DMD: variants seen among roughly 807,000 people sequenced by gnomAD.
DMD encodes the protein dystrophin, also known as mutant dystrophin.
In DMD, 63 loss-of-function variants were observed where a neutral mutation model predicts 330.1. The ratio of observed to expected loss-of-function variants is 0.19; its 90% CI spans 0.16 to 0.24. The LOEUF (loss-of-function observed/expected upper bound fraction) is 0.24, where lower values mean the gene tolerates loss of function less well. Among genes scored for constraint, DMD ranks in the 10% least tolerant of loss-of-function variants. DMD has a pLI of 1.00. For missense variants in DMD, 3,344 were observed against 2,684.1 expected (o/e 1.25, Z -5.43); for synonymous variants, 1,223 against 959.8 (o/e 1.27, Z -5.07).
chrX:32,046,839 G>A (rs1214438869), intron 44 of DMD, among the ~76,000 whole-genome samples: 1 of 111,640 alleles, frequency 9.0e-6, no homozygotes. Context: ...ATGACCTGTG[G>A]GAAATTGACT....
intron 44 of DMD, among the ~76,000 whole-genome samples, chrX:32,033,111 T>C (rs1261124473): frequency 2.7e-5 from 3 of 112,140 alleles, no homozygotes; most frequent in Non-Finnish European, 3.8e-5. Flanking sequence ...TTACGCTAAG[T>C]GAAACAAGAC....
At chrX:32,050,310 T>C (rs2096098994) in intron 44 of DMD, among the ~76,000 whole-genome samples, 1 of 111,076 alleles carries the variant, frequency 9.0e-6, no homozygotes, top group Non-Finnish European at 1.9e-5. Flanking sequence ...CTATAGAAAA[T>C]TATGCTTTTA....
At chrX:32,594,152 C>T (rs943143882) in intron 13 of DMD, among the ~76,000 whole-genome samples, 16 of 112,189 alleles carry the variant, frequency 1.4e-4, no homozygotes, top group African/African-American at 5.2e-4. Context: ...TCAATACATG[C>T]AGATATATCC....
intron 47 of DMD, among the ~76,000 whole-genome samples, chrX:31,927,154 T>TA (rs2094790288): frequency 8.9e-6 from 1 of 112,517 alleles, no homozygotes; most frequent in Admixed American, 9.4e-5. Context: ...ATAATTTTAA[T>TA]ATGACTAATG....
chrX:32,805,711 G>C (rs2076901150), intron 7 of DMD, among the ~76,000 whole-genome samples: 1 of 111,918 alleles, frequency 8.9e-6, no homozygotes, highest in African/African-American at 3.2e-5. Flanking sequence ...CCCACAAAGG[G>C]AAGCCCATCA....
intron 60 of DMD, among the ~76,000 whole-genome samples, chrX:31,352,824 G>A (rs919467347): frequency 1.4e-4 from 16 of 112,006 alleles, no homozygotes; most frequent in African/African-American, 4.9e-4. Flanking sequence ...CAAAGTCCTC[G>A]AAAGCTTTAG....
At chrX:33,170,622 C>T (rs753463195) in intron 1 of DMD, among the ~76,000 whole-genome samples, 14 of 111,409 alleles carry the variant, frequency 1.3e-4, no homozygotes, top group Admixed American at 9.5e-4. Context: ...CAAGATGCAA[C>T]GCATATAAAA....
chrX:33,175,482 C>T (rs2049597496), intron 1 of DMD, among the ~76,000 whole-genome samples: 1 of 112,321 alleles, frequency 8.9e-6, no homozygotes, highest in Non-Finnish European at 1.9e-5. Context: ...TTAGTTCTTG[C>T]CTAGGGAAGG....
intron 55 of DMD, among the ~76,000 whole-genome samples, chrX:31,607,200 G>A (rs1603422521): frequency 9.0e-6 from 1 of 111,716 alleles, no homozygotes; most frequent in African/African-American, 3.2e-5. Flanking sequence ...AATAATGGTG[G>A]ATATGCAGAT....
intron 2 of DMD, among the ~76,000 whole-genome samples, chrX:33,012,426 G>A (rs780933497): frequency 1.6e-4 from 18 of 111,615 alleles, no homozygotes; most frequent in Non-Finnish European, 3.0e-4. Flanking sequence ...ACAATAATTT[G>A]TTTATGAGTA....
chrX:31,481,617 G>A (rs2068293305), intron 57 of DMD, among the ~76,000 whole-genome samples: 1 of 111,699 alleles, frequency 9.0e-6, no homozygotes, highest in South Asian at 3.7e-4. Context: ...AACTTTCCTG[G>A]ATGTCTCAGT....
chrX:32,888,700 T>C (rs978398361), intron 2 of DMD, among the ~76,000 whole-genome samples: 1 of 112,104 alleles, frequency 8.9e-6, no homozygotes. Flanking sequence ...CAAGTAGATA[T>C]CTGCACACCC....
At chrX:32,452,877 T>C (rs1172536856) in intron 26 of DMD, among the ~76,000 whole-genome samples, 1 of 111,139 alleles carries the variant, frequency 9.0e-6, no homozygotes, top group Admixed American at 9.5e-5. Flanking sequence ...TTTATCCCAT[T>C]TTCCTTCCTT....
chrX:31,478,331 T>C lies in DMD; in HGVS notation c.8712A>G (p.Leu2904=), dbSNP rs764631900. The change falls in exon 59 of 79, where the codon CTA becomes CTG. Residue 2904 remains leucine (L), a synonymous_variant. Coordinates refer to ENST00000357033, the MANE Select transcript of DMD (RefSeq NM_004006.3). ...EERAQNVTRL[L]RKQAEEVNTE... is the part of the protein sequence containing the mutation. The stretch of plus-strand genomic sequence containing the variant: ...TATTGACCTCCTCAGCCTGCTTTCG[T>C]AGAAGCCGAGTGACATTCTGGGCTC... 12 of 1,209,780 alleles carry C rather than the reference T, an allele frequency of 9.9e-6. No homozygotes were observed. The African/African-American group carries it at 1.8e-4, about 18-fold the overall frequency.
intron 44 of DMD, among the ~76,000 whole-genome samples, chrX:32,092,724 C>CTTTTTTTTTTTTTT (rs11315047): frequency 2.8e-4 from 11 of 39,798 alleles, no homozygotes; most frequent in Non-Finnish European, 3.5e-4. Flanking sequence ...GTTATTTTCA[C>CTTTTTTTTTTTTTT]TTTTTTTTTT....
intron 52 of DMD, among the ~76,000 whole-genome samples, chrX:31,728,040 A>G (rs1307794379): frequency 8.9e-6 from 1 of 112,433 alleles, no homozygotes; most frequent in Non-Finnish European, 1.9e-5. Flanking sequence ...CTTGTTTGTA[A>G]ACGACGCAGT....
intron 48 of DMD, among the ~76,000 whole-genome samples, chrX:31,852,263 G>T (rs767164788): frequency 2.7e-5 from 3 of 111,923 alleles, no homozygotes; most frequent in Admixed American, 9.5e-5. Flanking sequence ...TGGCAGTTAA[G>T]AACAGATTCT....
chrX:32,874,879 C>G (rs1476768810), intron 2 of DMD, among the ~76,000 whole-genome samples: 1 of 111,273 alleles, frequency 9.0e-6, no homozygotes, highest in East Asian at 2.9e-4. Flanking sequence ...CTGAACTGAG[C>G]CTTTCAGCCA....
At chrX:32,893,017 G>A (rs1297902418) in intron 2 of DMD, among the ~76,000 whole-genome samples, 2 of 111,974 alleles carry the variant, frequency 1.8e-5, no homozygotes, top group Non-Finnish European at 3.8e-5. Flanking sequence ...GGGAGTAGAG[G>A]TAATGCTAAA....
Sources: allele counts gnomAD v4.1 joint callset (sites outside exome capture counted in the v4.1 genomes callset), GRCh38; gene constraint gnomAD v4.1.1; transcripts MANE v1.5; gene names NCBI Gene and HGNC (gene_info 2026-07-23, HGNC 2026-07-21).